The following RIC3 variants were observed in gnomAD, a reference collection of about 807,000 sequenced individuals.
RIC3 encodes protein RIC-3.
A neutral mutation model predicts 27.3 loss-of-function variants in RIC3; 28 were observed. The ratio of observed to expected loss-of-function variants is 1.02; its 90% CI spans 0.76 to 1.41. The LOEUF is 1.41. Ranked by LOEUF, RIC3 falls within the 40% of genes most tolerant of loss-of-function variation. The probability of loss-of-function intolerance (pLI) is 0.00; values close to 1 mark genes in which losing one functional copy is unlikely to be tolerated. For synonymous variants in RIC3, 184 were observed against 160.4 expected (o/e 1.15, Z -1.11); for missense variants, 501 against 444.7 (o/e 1.13, Z -1.14).
rs1223924246 is a variant in RIC3, at chr11:8,108,229, A to C, written c.*2469T>G. On this transcript the variant is annotated 3_prime_UTR_variant, in exon 6 of 6. Transcript: ENST00000309737. ...ATAACAGCCTCACCAAAATACTTGA[A>C]CATCCATGTATTTTCACACCCTACT... The C allele has an allele frequency of 1.3e-5, 2 of 152,126 alleles. No individual in the cohort carries two copies. The highest frequency in any genetic ancestry group is 4.8e-5 in the African/African-American group (2 of 41,406). The allele number at this position is 152,126 out of a possible 1,614,324, so 9.4% of individuals were successfully genotyped here.
chr11:8,141,566 C>A (rs1381686592), intron 1 of RIC3, among the ~76,000 whole-genome samples: 3 of 150,818 alleles, frequency 2.0e-5, no homozygotes, highest in African/African-American at 7.3e-5. Context: ...TAGACTCCCA[C>A]ACATTAATAA....
the RIC3 span, chr11:8,097,634 A>G: frequency 7.3e-7 from 1 of 1,367,660 alleles, no homozygotes; most frequent in Non-Finnish European, 1.0e-6. Context: ...CGCAACGGAG[A>G]GAGTCTGTGT....
At chr11:8,093,982 T>A in the RIC3 span, 1 of 1,603,016 alleles carries the variant, frequency 6.2e-7, no homozygotes, top group South Asian at 1.1e-5. Context: ...TGTGTTCAGG[T>A]GGGAGCTCTG....
downstream of RIC3, chr11:8,101,404 G>A: frequency 6.4e-7 from 1 of 1,556,004 alleles, no homozygotes; most frequent in East Asian, 2.3e-5. Context: ...CCCTCATGTG[G>A]TTTGGGTGTC....
intron 1 of RIC3, among the ~76,000 whole-genome samples, chr11:8,153,854 T>A (rs182357824): frequency 6.6e-5 from 10 of 152,298 alleles, no homozygotes; most frequent in Non-Finnish European, 1.3e-4. Context: ...TCTTTGTAGA[T>A]TCATTCTCTC....
At chr11:8,093,531 C>T in the RIC3 span, among the ~76,000 whole-genome samples, 1 of 152,146 alleles carries the variant, frequency 6.6e-6, no homozygotes, top group Non-Finnish European at 1.5e-5. Flanking sequence ...CTGTTGGTGC[C>T]TGTAGCTTCT....
At chr11:8,116,199 A>G (rs1027668241) in intron 5 of RIC3, among the ~76,000 whole-genome samples, 5 of 152,334 alleles carry the variant, frequency 3.3e-5, no homozygotes, top group Admixed American at 6.5e-5. Flanking sequence ...TCTTCAATAA[A>G]TGGTGTGGGG....
chr11:8,112,213 T>G (rs1393488710), intron 5 of RIC3, among the ~76,000 whole-genome samples: 2 of 152,168 alleles, frequency 1.3e-5, no homozygotes, highest in Non-Finnish European at 2.9e-5. Context: ...CCATAATATC[T>G]TCACTCATAA....
At chr11:8,146,293 A>G (rs1949670888) in intron 1 of RIC3, among the ~76,000 whole-genome samples, 2 of 152,224 alleles carry the variant, frequency 1.3e-5, no homozygotes, top group African/African-American at 2.4e-5. Context: ...GAAAAAGCAA[A>G]TAACATTATG....
chr11:8,160,460 T>A (rs1269591750), intron 1 of RIC3, among the ~76,000 whole-genome samples: 2 of 152,090 alleles, frequency 1.3e-5, no homozygotes, highest in African/African-American at 4.8e-5. Flanking sequence ...TCTGAAAAAA[T>A]TTCAAGAGCT....
chr11:8,127,037 A>T (rs1590154204), intron 4 of RIC3: 2 of 564,052 alleles, frequency 3.5e-6, no homozygotes, highest in East Asian at 6.4e-5. Context: ...TGATTGCCCA[A>T]GGTCCCGAAA....
Position 8,160,057 on chromosome 11 carries a change from ATGG to A in RIC3, c.124+8806_124+8808del, listed in dbSNP as rs767955192. Among the ~76,000 whole-genome samples, 5 of 152,306 alleles carry A rather than the reference ATGG, an allele frequency of 3.3e-5. No individual in the cohort carries two copies. The East Asian group carries it at 9.6e-4, about 29-fold the overall frequency. ...GAAAGAAAAAAAGAAAAATTATAAC[ATGG>A]TGGGAAAAATTTGAACACCAACTAG... On this transcript the variant is annotated intron_variant, in intron 1 of 5. Transcript: ENST00000309737.
In RIC3 at chr11:8,128,439, C is replaced by G. The variant is rs4340036; in HGVS notation, c.522-1632G>C. ...TCCAAACCAAAGCATCCTCATTTCA[C>G]TCTTAACAAGTATACTTTTATTGTC... On this transcript the variant is annotated intron_variant, in intron 4 of 5. Transcript: ENST00000309737. The G allele has an allele frequency of 8.4e-3, 3,006 of 359,734 alleles. 90 individuals carry two copies. Among genetic ancestry groups the G allele is most frequent in the African/African-American group, 0.059 (2,761 of 46,816 alleles). The allele number at this position is 359,734 out of a possible 1,614,324, so 22.3% of individuals were successfully genotyped here.
chr11:8,118,081 G>C (rs2133436810), intron 5 of RIC3, among the ~76,000 whole-genome samples: 1 of 152,040 alleles, frequency 6.6e-6, no homozygotes, highest in South Asian at 2.1e-4. Flanking sequence ...AAATTAGCCA[G>C]GCGTGGTGGC....
At chr11:8,159,021 G>A (rs1356362549) in intron 1 of RIC3, among the ~76,000 whole-genome samples, 1 of 151,356 alleles carries the variant, frequency 6.6e-6, no homozygotes, top group Admixed American at 6.6e-5. Context: ...GTGAGCCACC[G>A]CGCTCGGCCA....
At chr11:8,137,556 G>T in intron 3 of RIC3, 85 bp from the exon 4 acceptor site, 2 of 989,256 alleles carry the variant, frequency 2.0e-6, no homozygotes, top group Non-Finnish European at 3.1e-6. Flanking sequence ...AAAAGCTATT[G>T]TACTGTCTAA....
chr11:8,131,974 C>G (rs1312939207), intron 4 of RIC3, among the ~76,000 whole-genome samples: 1 of 137,194 alleles, frequency 7.3e-6, no homozygotes, highest in African/African-American at 2.7e-5. Context: ...ACCGACTATA[C>G]AAACACAGTG....
intron 1 of RIC3, among the ~76,000 whole-genome samples, chr11:8,143,659 A>G (rs924795006): frequency 1.3e-5 from 2 of 152,098 alleles, no homozygotes; most frequent in Non-Finnish European, 2.9e-5. Context: ...GACTTTCTTC[A>G]CAGAATTGGA....
chr11:8,163,091 GCCT>G (rs1307805830), intron 1 of RIC3, among the ~76,000 whole-genome samples: 1 of 145,614 alleles, frequency 6.9e-6, no homozygotes, highest in East Asian at 2.0e-4. Context: ...TTTAAGAACT[GCCT>G]CCTCAATTTA....
Sources: allele counts gnomAD v4.1 joint callset (sites outside exome capture counted in the v4.1 genomes callset), GRCh38; gene constraint gnomAD v4.1.1; transcripts MANE v1.5; gene names NCBI Gene and HGNC (gene_info 2026-07-23, HGNC 2026-07-21).